Variants in SLC44A1 observed in about 807,000 individuals in gnomAD.
The protein encoded by SLC44A1 is solute carrier family 44 member 1.
Under a neutral mutation model 79.3 loss-of-function variants are expected in SLC44A1, and 26 were observed. The ratio of observed to expected loss-of-function variants is 0.33; its 90% CI spans 0.24 to 0.46. The LOEUF is 0.46. SLC44A1 is among the 20% of genes least tolerant of loss of function. SLC44A1 has a pLI of 1.00. For synonymous variants in SLC44A1, 263 were observed against 286.2 expected (o/e 0.92, Z 0.82); for missense variants, 688 against 798.1 (o/e 0.86, Z 1.66).
intron 9 of SLC44A1, 134 bp downstream of exon 9, chr9:105,363,141 G>A: frequency 1.5e-6 from 1 of 683,116 alleles, no homozygotes. Flanking sequence ...TAGTGGTTAT[G>A]GCTCCTCAAC....
chr9:105,392,224 A>T lies in SLC44A1; in HGVS notation c.*3168A>T. Reference sequence around the variant, plus strand: ...TGCAATGGCTAATGTTTAGGATTAAAGTTTTTATTTTATCCTATAAGATAA... The same window carrying T: ...TGCAATGGCTAATGTTTAGGATTAATGTTTTTATTTTATCCTATAAGATAA... On this transcript the variant is annotated 3_prime_UTR_variant, in exon 16 of 16. Coordinates refer to ENST00000374720, the MANE Select transcript of SLC44A1 (RefSeq NM_080546.5). 1.0e-6 allele frequency: 1 copy of T among 984,262 alleles called. No individual in the cohort carries two copies. Among genetic ancestry groups the T allele is most frequent in the Non-Finnish European group, 1.2e-6 (1 of 828,996 alleles). The allele number at this position is 984,262 out of a possible 1,614,324, so 61.0% of individuals were successfully genotyped here. A position where few individuals can be genotyped will look rare whatever the true frequency, so the allele number is the denominator to read the frequency against.
chr9:105,251,070 A>T (rs1273306156), intron 1 of SLC44A1, among the ~76,000 whole-genome samples: 9 of 152,168 alleles, frequency 5.9e-5, no homozygotes, highest in African/African-American at 2.2e-4. Context: ...CTGTATGTTA[A>T]CAGTTCCCAA....
Position 105,385,424 on chromosome 9 carries a change from G to C in SLC44A1, c.1872G>C (p.Glu624Asp). 1 of 1,581,226 alleles carries C rather than the reference G, an allele frequency of 6.3e-7. No homozygotes were observed. The highest frequency in any genetic ancestry group is 8.6e-7 in the Non-Finnish European group (1 of 1,162,610). ...TCAATATGGTCCATATTTTGCAGGA[G>C]TTTGTGGAAAACAGTAGGAAAGCAA... ...REFYMDKVLM[E>D]FVENSRKAMK... The change falls in exon 15 of 16, where the codon GAG becomes GAC. Residue 624 changes from glutamate (E) to aspartate (D), a missense_variant and splice_region_variant. Physicochemically the swap from Glu to Asp is conservative, Grantham distance 45. Transcript: ENST00000374720.
intron 15 of SLC44A1, chr9:105,438,130 C>CTGTG (rs147203232): frequency 0.028 from 13,973 of 495,726 alleles, 106 homozygotes; most frequent in Non-Finnish European, 0.038. Flanking sequence ...ATTTGTTAAT[C>CTGTG]TGTGTGTGTG....
intron 15 of SLC44A1, 118 bp downstream of exon 15, chr9:105,385,620 G>A: frequency 6.8e-7 from 1 of 1,477,778 alleles, no homozygotes; most frequent in Non-Finnish European, 9.0e-7. Context: ...TATCACGCAG[G>A]ACATGCTGCT....
rs568580429 is a variant in SLC44A1 at position 105,308,553 on chromosome 9, C to G, written c.127-1171C>G. On this transcript the variant is annotated intron_variant, in intron 2 of 15. Coordinates refer to ENST00000374720, the MANE Select transcript of SLC44A1 (RefSeq NM_080546.5). ...CTCCCTTACCTGCACAATGAAAGTA[C>G]AGGGCTTATTTAGAACACAGTTTGT... Among the ~76,000 whole-genome samples the G allele has an allele frequency of 7.9e-5, 12 of 152,312 alleles. No homozygotes were observed. The South Asian group carries it at 2.5e-3, about 32-fold the overall frequency.
chr9:105,270,661 C>A (rs1830056325), intron 1 of SLC44A1, among the ~76,000 whole-genome samples: 1 of 152,174 alleles, frequency 6.6e-6, no homozygotes, highest in Admixed American at 6.5e-5. Context: ...CACCTTGTAC[C>A]CTAGCTGTCA....
chr9:105,253,934 G>T (rs1290591633), intron 1 of SLC44A1, among the ~76,000 whole-genome samples: 3 of 152,112 alleles, frequency 2.0e-5, no homozygotes, highest in African/African-American at 7.2e-5. Context: ...TGTTGGCCAG[G>T]CTGGTCTCGA....
At chr9:105,324,612 A>G (rs1224914199) in intron 3 of SLC44A1, among the ~76,000 whole-genome samples, 2 of 152,080 alleles carry the variant, frequency 1.3e-5, no homozygotes, top group Admixed American at 6.6e-5. Flanking sequence ...TAATTTTTTC[A>G]TAATGTTGTG....
chr9:105,346,625 T>C (rs1197717775), intron 4 of SLC44A1, among the ~76,000 whole-genome samples: 1 of 152,174 alleles, frequency 6.6e-6, no homozygotes, highest in East Asian at 1.9e-4. Context: ...CTAAAATGTT[T>C]GTTTGCCATT....
At chr9:105,377,798 CA>C (rs2131452056) in intron 13 of SLC44A1, among the ~76,000 whole-genome samples, 1 of 151,904 alleles carries the variant, frequency 6.6e-6, no homozygotes, top group South Asian at 2.1e-4. Context: ...GATGATAAAA[CA>C]CAATGTTCTA....
intron 1 of SLC44A1, among the ~76,000 whole-genome samples, chr9:105,284,837 G>T (rs148931624): frequency 8.1e-4 from 124 of 152,172 alleles, no homozygotes; most frequent in African/African-American, 2.7e-3. Context: ...ATGATTTTTA[G>T]TATGTTCATA....
intron 1 of SLC44A1, among the ~76,000 whole-genome samples, chr9:105,256,081 C>T (rs992411043): frequency 3.3e-5 from 5 of 151,956 alleles, no homozygotes; most frequent in Non-Finnish European, 7.4e-5. Flanking sequence ...TAGTGGATCT[C>T]GGCTCACTGC....
rs560795213 is a variant in SLC44A1, at chr9:105,306,561, C to G, written c.127-3163C>G. On this transcript the variant is annotated intron_variant, in intron 2 of 15. Transcript: ENST00000374720. The stretch of plus-strand genomic sequence containing the variant: ...CTTATTATTCTCCTTGCCCACCCCC[C>G]ACCCCTGGCAGCTTCCCACCCTCTC... 1.7e-3 allele frequency among the ~76,000 whole-genome samples: 183 copies of G among 108,100 alleles called. 3 individuals carry two copies. Among genetic ancestry groups the G allele is most frequent in the African/African-American group, 5.2e-3 (143 of 27,476 alleles). 70.9% of individuals were successfully genotyped at this position (108,100 alleles called of 152,430 possible). A position where few individuals can be genotyped will look rare whatever the true frequency, so the allele number is the denominator to read the frequency against.
chr9:105,312,149 A>G (rs916112882), intron 3 of SLC44A1, among the ~76,000 whole-genome samples: 1 of 152,172 alleles, frequency 6.6e-6, no homozygotes, highest in African/African-American at 2.4e-5. Flanking sequence ...AAAGTCAACA[A>G]ATCAGTCCTC....
chr9:105,347,509 T>C (rs541487704), intron 4 of SLC44A1, among the ~76,000 whole-genome samples: 5 of 152,180 alleles, frequency 3.3e-5, no homozygotes, highest in African/African-American at 9.6e-5. Flanking sequence ...TAGTGGACTT[T>C]ATCCATCTCA....
intron 1 of SLC44A1, among the ~76,000 whole-genome samples, chr9:105,284,025 A>T (rs1353898550): frequency 6.6e-6 from 1 of 152,160 alleles, no homozygotes; most frequent in African/African-American, 2.4e-5. Flanking sequence ...GCACGTCTGC[A>T]TGAGAAGCTA....
At chr9:105,385,742 A>G (rs947726355) in intron 15 of SLC44A1, 7 of 985,296 alleles carry the variant, frequency 7.1e-6, no homozygotes, top group African/African-American at 1.7e-5. Flanking sequence ...AGTGCTCGGC[A>G]GGGGCGGGTA....
intron 10 of SLC44A1, 81 bp from the exon 11 acceptor site, chr9:105,365,402 C>T (rs1051806291): frequency 4.1e-5 from 44 of 1,064,862 alleles, no homozygotes; most frequent in African/African-American, 2.6e-4. Context: ...TTTTTCACTG[C>T]GTTGGACTCT....
Sources: allele counts gnomAD v4.1 joint callset (sites outside exome capture counted in the v4.1 genomes callset), GRCh38; gene constraint gnomAD v4.1.1; transcripts MANE v1.5; gene names NCBI Gene and HGNC (gene_info 2026-07-23, HGNC 2026-07-21).